The following CHRNG variants were observed in gnomAD, a reference collection of about 807,000 sequenced individuals.
The protein encoded by CHRNG is cholinergic receptor nicotinic gamma subunit.
A neutral mutation model predicts 65.2 loss-of-function variants in CHRNG; 72 were observed. The ratio of observed to expected loss-of-function variants is 1.10; its 90% CI spans 0.91 to 1.34. CHRNG has a LOEUF of 1.34. Ranked by LOEUF, CHRNG falls within the 40% of genes most tolerant of loss-of-function variation. The pLI, the probability that CHRNG is intolerant of heterozygous loss-of-function variation, is 0.00. For synonymous variants in CHRNG, 284 were observed against 290.2 expected, an observed-to-expected ratio of 0.98 and a Z score of 0.22; for missense variants, 637 against 680.1, an observed-to-expected ratio of 0.94 and a Z score of 0.70.
Position 232,544,406 on chromosome 2 carries a change from G to A in CHRNG, c.1075G>A (p.Val359Ile), listed in dbSNP as rs16829208. The change falls in exon 10 of 12, where the codon GTT (valine) becomes ATT (isoleucine). Residue 359 changes from valine to isoleucine, a missense_variant. Transcript: ENST00000651502. ...RLLPQLLRMHVRPLAPAAVQD... is the reference protein window; with the variant it reads ...RLLPQLLRMHIRPLAPAAVQD... ...CTTGCCCCAGCTGCTGAGGATGCAC[G>A]TTCGCCCGCTGGCCCCGGCAGCTGT... 295 of 1,613,362 alleles carry A rather than the reference G, an allele frequency of 1.8e-4. No individual in the cohort carries two copies. Among genetic ancestry groups the A allele is most frequent in the Non-Finnish European group, 2.3e-4 (267 of 1,180,024 alleles).
Position 232,546,040 on chromosome 2 carries a change from C to A in CHRNG, c.*324C>A. On this transcript the variant is annotated 3_prime_UTR_variant, in exon 12 of 12. Coordinates refer to ENST00000651502, the MANE Select transcript of CHRNG (RefSeq NM_005199.5). ...TATTCATTCCCATCAGTCTGAAGCC[C>A]GAAGGACTGTTTTGTATAATACCTT... 1 of 448,224 alleles carries A rather than the reference C, an allele frequency of 2.2e-6. No homozygotes were observed. Among genetic ancestry groups the A allele is most frequent in the Non-Finnish European group, 4.2e-6 (1 of 239,886 alleles). 27.8% of individuals were successfully genotyped at this position (448,224 alleles called of 1,614,324 possible). A position where few individuals can be genotyped will look rare whatever the true frequency, so the allele number is the denominator to read the frequency against.
In CHRNG at chr2:232,544,597, G is replaced by A; in HGVS notation, c.1249+17G>A. The A allele has an allele frequency of 1.2e-6, 2 of 1,606,750 alleles. No individual in the cohort carries two copies. Among genetic ancestry groups the A allele is most frequent in the Non-Finnish European group, 1.7e-6 (2 of 1,174,412 alleles). ...AGAAGCTAGGTGAGACACACCAGGT[G>A]TGCCTGGGGACAGTCCTCCCCTGGG... On this transcript the variant is annotated intron_variant, in intron 10 of 11. Coordinates refer to ENST00000651502, the MANE Select transcript of CHRNG (RefSeq NM_005199.5).
chr2:232,542,810 G>T, intron 6 of CHRNG, 72 bp from the exon 7 acceptor site: 2 of 1,371,444 alleles, frequency 1.5e-6, no homozygotes. Context: ...CTTGCAGCTG[G>T]GTCACTCGGC....
chr2:232,540,887 T>C lies in CHRNG; in HGVS notation c.350+176T>C, dbSNP rs1057396512. Among the ~76,000 whole-genome samples the C allele has an allele frequency of 4.6e-5, 7 of 152,132 alleles. No homozygotes were observed. The highest frequency in any genetic ancestry group is 1.3e-4 in the Admixed American group (2 of 15,292). Reference sequence around the variant, plus strand: ...CGAGGGCAGGGCCCTGGGTATGCCCTCTGACCCCAGGGCCAGCAGAGCAGA... The same window carrying C: ...CGAGGGCAGGGCCCTGGGTATGCCCCCTGACCCCAGGGCCAGCAGAGCAGA... On this transcript the variant is annotated intron_variant, in intron 4 of 11. Coordinates refer to ENST00000651502, the MANE Select transcript of CHRNG (RefSeq NM_005199.5). The surrounding 1 kb of genome is among the most constrained non-coding windows in gnomAD (Gnocchi z 4.2).
chr2:232,545,022 T>G (rs960629875), intron 11 of CHRNG, 120 bp downstream of exon 11: 1 of 1,282,708 alleles, frequency 7.8e-7, no homozygotes, highest in Non-Finnish European at 1.1e-6. Context: ...TGAGGCCGGG[T>G]GCAGTGGGTC....
chr2:232,541,675 T>C lies in CHRNG; in HGVS notation c.506+146T>C, dbSNP rs958056857. ...CATCTCCCCTGGGCCTCTGTGCCCA[T>C]CTCAGGCTAAGACACCTGAAGGTGC... On this transcript the variant is annotated intron_variant, in intron 5 of 11. Coordinates refer to ENST00000651502, the MANE Select transcript of CHRNG (RefSeq NM_005199.5). This position sits in a 1 kb window ranked among gnomAD's most constrained non-coding sequence, Gnocchi z 4.0. The C allele has an allele frequency of 8.9e-6, 9 of 1,011,182 alleles. No homozygotes were observed. In the African/African-American group the frequency reaches 1.3e-4, roughly 14 times the overall value. The allele number at this position is 1,011,182 out of a possible 1,614,324, so 62.6% of individuals were successfully genotyped here.
In CHRNG at chr2:232,543,385, A is replaced by G. The variant is rs763797300; in HGVS notation, c.916A>G (p.Ser306Gly). 2 of 1,610,592 alleles carry G rather than the reference A, an allele frequency of 1.2e-6. No individual in the cohort carries two copies. Among genetic ancestry groups the G allele is most frequent in the Non-Finnish European group, 1.7e-6 (2 of 1,176,964 alleles). Reference protein sequence around the residue: ...PETSQAVPLISKYLTFLLVVT... With the variant: ...PETSQAVPLIGKYLTFLLVVT... ...AACCTCCCAGGCGGTGCCACTCATC[A>G]GCAAGTAAGGCTGGTCTTCATGTCC... is the stretch of plus-strand genomic sequence containing the variant. The change falls in exon 8 of 12, where the codon AGC (serine) becomes GGC (glycine). Residue 306 changes from serine (S) to glycine (G), a missense_variant. Ser to Gly is a moderately conservative substitution (Grantham distance 56, BLOSUM62 0). Coordinates refer to ENST00000651502, the MANE Select transcript of CHRNG (RefSeq NM_005199.5).
chr2:232,546,163 G>A lies in CHRNG; in HGVS notation c.*447G>A, dbSNP rs1390382977. The A allele has an allele frequency of 1.1e-5, 3 of 268,052 alleles. No individual in the cohort carries two copies. The highest frequency in any genetic ancestry group is 2.2e-5 in the Non-Finnish European group (3 of 135,584). 16.6% of individuals were successfully genotyped at this position (268,052 alleles called of 1,614,324 possible). A position where few individuals can be genotyped will look rare whatever the true frequency, so the allele number is the denominator to read the frequency against. ...CAGCCGATGCTCTCTCCAAAGCAGG[G>A]CAGCAGCCCATACCAGCTGGCATCT... On this transcript the variant is annotated 3_prime_UTR_variant, in exon 12 of 12. Transcript: ENST00000651502.
In CHRNG at chr2:232,539,996, C is replaced by T. The variant is rs759155853; in HGVS notation, c.60C>T (p.Ala20=). Residue 20 remains alanine, a synonymous_variant, in exon 2 of 12, where the codon GCC becomes GCT. Transcript: ENST00000651502. ...LLLLLAVCLG[A]QGRNQEERLL... ...GCTCACGCCTGTCTATTGCAGGGGCCCAGGGCCGGAACCAGGAGGAGCGCC... is the reference window on the plus strand; with the variant it reads ...GCTCACGCCTGTCTATTGCAGGGGCTCAGGGCCGGAACCAGGAGGAGCGCC... The T allele has an allele frequency of 1.2e-6, 2 of 1,614,154 alleles. No individual in the cohort carries two copies. The highest frequency in any genetic ancestry group is 1.7e-6 in the Non-Finnish European group (2 of 1,180,008).
At chr2:232,543,564 C>T in intron 8 of CHRNG, 21 bp from the exon 9 acceptor site, 5 of 1,517,526 alleles carry the variant, frequency 3.3e-6, no homozygotes, top group Non-Finnish European at 4.6e-6. Context: ...CTGCCAGCTC[C>T]TGCCCACCCC....
At position 232,540,640 on chromosome 2, in the gene CHRNG, C is replaced by T; in HGVS notation, c.279C>T (p.Asp93=). ...CDYRLRWDPR[D]YEGLWVLRVP... ...ATCGCCTGCGCTGGGATCCGCGAGA[C>T]TACGAAGGCCTGTGGGTGCTGAGGG... is the stretch of plus-strand genomic sequence containing the variant. Residue 93 remains aspartate, a synonymous_variant, in exon 4 of 12, where the codon GAC becomes GAT. Coordinates refer to ENST00000651502, the MANE Select transcript of CHRNG (RefSeq NM_005199.5). This position sits in a 1 kb window ranked among gnomAD's most constrained non-coding sequence, Gnocchi z 4.2. 25 of 1,613,158 alleles carry T rather than the reference C, an allele frequency of 1.5e-5. No homozygotes were observed. The highest frequency in any genetic ancestry group is 1.9e-5 in the Non-Finnish European group (23 of 1,179,996).
At position 232,542,449 on chromosome 2, in the gene CHRNG, T is replaced by C. The variant is rs766193925; in HGVS notation, c.533T>C (p.Ile178Thr). The C allele has an allele frequency of 1.9e-6, 3 of 1,613,874 alleles. No homozygotes were observed. The highest frequency in any genetic ancestry group is 2.5e-6 in the Non-Finnish European group (3 of 1,179,832). Residue 178 changes from isoleucine to threonine, a missense_variant, in exon 6 of 12, where the codon ATT (isoleucine) becomes ACT (threonine). Coordinates refer to ENST00000651502, the MANE Select transcript of CHRNG (RefSeq NM_005199.5). ...TCCCAGACTTACAGCACCAATGAGA[T>C]TGATCTGCAGCTGAGTCAGGAAGAT... ...FQSQTYSTNE[I>T]DLQLSQEDGQ...
chr2:232,545,893 G>A lies in CHRNG; in HGVS notation c.*177G>A. 1.3e-6 allele frequency: 1 copy of A among 747,974 alleles called. No homozygotes were observed. Among genetic ancestry groups the A allele is most frequent in the Non-Finnish European group, 2.3e-6 (1 of 437,786 alleles). The allele number at this position is 747,974 out of a possible 1,614,324, so 46.3% of individuals were successfully genotyped here. On this transcript the variant is annotated 3_prime_UTR_variant, in exon 12 of 12. Transcript: ENST00000651502. Reference sequence around the variant, plus strand: ...AAACAGTCTGAGCTGGAGTCCGAGAGTGGTTGGGGGTGGGCCGTGGCTAGT... The same window carrying A: ...AAACAGTCTGAGCTGGAGTCCGAGAATGGTTGGGGGTGGGCCGTGGCTAGT...
chr2:232,545,001 A>C, intron 11 of CHRNG, 99 bp downstream of exon 11: 1 of 1,487,882 alleles, frequency 6.7e-7, no homozygotes. Context: ...GGGCAGTGGG[A>C]TGGAAAAACA....
chr2:232,544,329 C>A, intron 9 of CHRNG, 38 bp from the exon 10 acceptor site: 1 of 1,510,572 alleles, frequency 6.6e-7, no homozygotes, highest in Non-Finnish European at 9.2e-7. Context: ...TGCTCTGAAG[C>A]TCGGCCTGCT....
intron 9 of CHRNG, 140 bp downstream of exon 9, chr2:232,543,839 A>G (rs1298432815): frequency 2.9e-6 from 2 of 697,090 alleles, no homozygotes; most frequent in Non-Finnish European, 5.3e-6. Flanking sequence ...ACCAAAATCG[A>G]TTACAGTAAT....
rs1692007734 is a variant in CHRNG, at chr2:232,541,192, G to A, written c.351-182G>A. On this transcript the variant is annotated intron_variant, in intron 4 of 11. Coordinates refer to ENST00000651502, the MANE Select transcript of CHRNG (RefSeq NM_005199.5). This position sits in a 1 kb window ranked among gnomAD's most constrained non-coding sequence, Gnocchi z 4.0. ...CTGAGGAAGTCTGTCTGGGGCGGGG[G>A]GTGGCAGGAGGATTGCTGGGGGGAC... is the stretch of plus-strand genomic sequence containing the variant. Among the ~76,000 whole-genome samples, 1 of 151,684 alleles carries A rather than the reference G, an allele frequency of 6.6e-6. No individual in the cohort carries two copies. The highest frequency in any genetic ancestry group is 1.5e-5 in the Non-Finnish European group (1 of 67,932).
Position 232,540,199 on chromosome 2 carries a change from G to T in CHRNG, c.195+68G>T. 2.5e-6 allele frequency: 4 copies of T among 1,613,292 alleles called. No individual in the cohort carries two copies. Among genetic ancestry groups the T allele is most frequent in the Non-Finnish European group, 3.4e-6 (4 of 1,179,474 alleles). On this transcript the variant is annotated intron_variant, in intron 2 of 11. Transcript: ENST00000651502. This position sits in a 1 kb window ranked among gnomAD's most constrained non-coding sequence, Gnocchi z 4.2. The stretch of plus-strand genomic sequence containing the variant: ...GGACCTGCTGGGGATAGCATGGGGT[G>T]GCTCCAGCCACCAAGAGGTTGGAGG...
chr2:232,539,780 G>A lies in CHRNG; in HGVS notation c.33G>A (p.Leu11=), dbSNP rs1691974973. The A allele has an allele frequency of 6.2e-7, 1 of 1,613,668 alleles. No homozygotes were observed. The highest frequency in any genetic ancestry group is 8.5e-7 in the Non-Finnish European group (1 of 1,179,820). The stretch of plus-strand genomic sequence containing the variant: ...GGGGCCAGGGGCCGCTGCTCCTCCT[G>A]CTGCTGCTGGCTGTCTGCCTGGGTG... MHGGQGPLLL[L]LLLAVCLGAQ... is the part of the protein sequence containing the mutation. The change falls in exon 1 of 12, where the codon CTG becomes CTA. Residue 11 remains leucine, a synonymous_variant. Coordinates refer to ENST00000651502, the MANE Select transcript of CHRNG (RefSeq NM_005199.5).
Sources: allele counts gnomAD v4.1 joint callset (sites outside exome capture counted in the v4.1 genomes callset), GRCh38; gene constraint gnomAD v4.1.1; non-coding constraint Gnocchi (gnomAD v3.1); transcripts MANE v1.5; gene names NCBI Gene and HGNC (gene_info 2026-07-23, HGNC 2026-07-21).